Variants in ACVR1B observed in about 807,000 individuals in gnomAD.
The protein encoded by ACVR1B is activin A receptor type 1B.
In ACVR1B, 15 loss-of-function variants were observed where a neutral mutation model predicts 55.6. That is an observed-to-expected ratio of 0.27 (90% CI 0.18 to 0.42). ACVR1B has a LOEUF of 0.42. Ranked by LOEUF, ACVR1B falls within the 10% of genes least tolerant of loss-of-function variation. The pLI, the probability that ACVR1B is intolerant of heterozygous loss-of-function variation, is 1.00. For synonymous variants in ACVR1B, 247 were observed against 254.6 expected, an observed-to-expected ratio of 0.97 and a Z score of 0.28; for missense variants, 359 against 670.1, an observed-to-expected ratio of 0.54 and a Z score of 5.13.
At chr12:51,972,830 G>A (rs1426123566) in intron 1 of ACVR1B, among the ~76,000 whole-genome samples, 2 of 151,876 alleles carry the variant, frequency 1.3e-5, no homozygotes, top group African/African-American at 2.4e-5. Flanking sequence ...TGTGTAGAGT[G>A]GCCTTTCTCA....
intron 1 of ACVR1B, among the ~76,000 whole-genome samples, chr12:51,972,839 C>T (rs1177334511): frequency 6.6e-6 from 1 of 152,064 alleles, no homozygotes; most frequent in Non-Finnish European, 1.5e-5. Context: ...TGGCCTTTCT[C>T]AGAGGACCCG....
chr12:51,977,607 CTTTT>C (rs71443237), intron 3 of ACVR1B, among the ~76,000 whole-genome samples: 2 of 122,974 alleles, frequency 1.6e-5, no homozygotes, highest in Non-Finnish European at 3.3e-5. Flanking sequence ...TATTGCATTC[CTTTT>C]TTTTTTTTTT....
chr12:51,993,818 A>G (rs2120770618), intron 8 of ACVR1B, among the ~76,000 whole-genome samples, 167 bp from the exon 9 acceptor site: 1 of 143,820 alleles, frequency 7.0e-6, no homozygotes, highest in South Asian at 2.4e-4. Flanking sequence ...AGAGCCAGGG[A>G]ACAAAGGGAG....
At chr12:51,973,407 A>G (rs1231865202) in intron 1 of ACVR1B, among the ~76,000 whole-genome samples, 2 of 152,230 alleles carry the variant, frequency 1.3e-5, no homozygotes, top group African/African-American at 2.4e-5. Flanking sequence ...AAGTGCCTGA[A>G]TGTCCCCACT....
chr12:51,967,794 C>G (rs1349901806), intron 1 of ACVR1B, among the ~76,000 whole-genome samples: 4 of 152,202 alleles, frequency 2.6e-5, no homozygotes, highest in Non-Finnish European at 4.4e-5. Flanking sequence ...GCCCAAGAAA[C>G]TTGCCTAGTG....
At chr12:51,987,014 C>A in intron 7 of ACVR1B, 72 bp downstream of exon 7, 1 of 1,603,356 alleles carries the variant, frequency 6.2e-7, no homozygotes, top group Non-Finnish European at 8.5e-7. Flanking sequence ...TGTTTTACTG[C>A]CCCCTTTCTT....
chr12:51,966,769 T>C (rs559071053), intron 1 of ACVR1B, among the ~76,000 whole-genome samples: 1 of 152,052 alleles, frequency 6.6e-6, no homozygotes, highest in Non-Finnish European at 1.5e-5. Context: ...TTTGAGCCAG[T>C]TGTTAATTTT....
intron 1 of ACVR1B, chr12:51,953,632 G>C (rs1941355183): frequency 2.9e-6 from 2 of 692,274 alleles, no homozygotes; most frequent in African/African-American, 2.0e-5. Flanking sequence ...CTCTAGGTTT[G>C]TCATTTTATG....
chr12:51,990,940 G>A (rs1355711192), intron 7 of ACVR1B, among the ~76,000 whole-genome samples: 1 of 152,156 alleles, frequency 6.6e-6, no homozygotes, highest in African/African-American at 2.4e-5. Context: ...TGGGGGTTCG[G>A]GGACACGTAT....
In ACVR1B at chr12:51,951,702, C is replaced by G; in HGVS notation, c.-42C>G. The G allele has an allele frequency of 9.4e-7, 1 of 1,064,276 alleles. No individual in the cohort carries two copies. The highest frequency in any genetic ancestry group is 1.1e-6 in the Non-Finnish European group (1 of 877,210). 65.9% of individuals were successfully genotyped at this position (1,064,276 alleles called of 1,614,324 possible). A position where few individuals can be genotyped will look rare whatever the true frequency, so the allele number is the denominator to read the frequency against. On this transcript the variant is annotated 5_prime_UTR_variant, in exon 1 of 9. Transcript: ENST00000257963. Reference sequence around the variant, plus strand: ...CGGGGGCGCGCGCGCGCGCGCTGGGCGCTGCTGGGCTGCGGCGGCGGCGGC... The same window carrying G: ...CGGGGGCGCGCGCGCGCGCGCTGGGGGCTGCTGGGCTGCGGCGGCGGCGGC...
chr12:51,969,963 A>C (rs1445296322), intron 1 of ACVR1B, among the ~76,000 whole-genome samples: 1 of 152,182 alleles, frequency 6.6e-6, no homozygotes, highest in African/African-American at 2.4e-5. Context: ...TAATATTGGT[A>C]GAGTCACCAA....
At chr12:51,956,444 T>C (rs888122432) in intron 1 of ACVR1B, among the ~76,000 whole-genome samples, 3 of 152,224 alleles carry the variant, frequency 2.0e-5, no homozygotes, top group African/African-American at 7.2e-5. Flanking sequence ...ATGGAACTTA[T>C]AATTGCAATG....
At position 51,974,524 on chromosome 12, in the gene ACVR1B, C is replaced by T. The variant is rs962714847; in HGVS notation, c.92-741C>T. Reference sequence around the variant, plus strand: ...AAAAAAATTCGTGTGTGTGTGTGTGCGCGCGCACACTCATGCGTGAATGCA... The same window carrying T: ...AAAAAAATTCGTGTGTGTGTGTGTGTGCGCGCACACTCATGCGTGAATGCA... On this transcript the variant is annotated intron_variant, in intron 1 of 8. Coordinates refer to ENST00000257963, the MANE Select transcript of ACVR1B (RefSeq NM_004302.5). Among the ~76,000 whole-genome samples the T allele has an allele frequency of 3.3e-5, 5 of 151,726 alleles. No homozygotes were observed. The South Asian group carries it at 6.2e-4, about 19-fold the overall frequency.
chr12:51,991,786 T>A (rs1414231089), intron 7 of ACVR1B, 77 bp from the exon 8 acceptor site: 10 of 1,498,608 alleles, frequency 6.7e-6, no homozygotes, highest in Non-Finnish European at 8.2e-6. Flanking sequence ...CAGAGCACAG[T>A]GTAGGTTTTG....
At chr12:51,953,328 A>G (rs565817940) in intron 1 of ACVR1B, 5 of 985,286 alleles carry the variant, frequency 5.1e-6, no homozygotes, top group Non-Finnish European at 6.0e-6. Flanking sequence ...TCCGGCTTTG[A>G]TATTTGTTCC....
At chr12:51,986,230 A>G (rs1942073060) in intron 6 of ACVR1B, among the ~76,000 whole-genome samples, 1 of 152,188 alleles carries the variant, frequency 6.6e-6, no homozygotes, top group Non-Finnish European at 1.5e-5. Flanking sequence ...CAAGAAGTCA[A>G]AACATGCTTC....
rs753820498 is a variant in ACVR1B, at chr12:51,951,798, G to T, written c.55G>T (p.Ala19Ser). 2 of 1,296,276 alleles carry T rather than the reference G, an allele frequency of 1.5e-6. No individual in the cohort carries two copies. The highest frequency in any genetic ancestry group is 6.7e-5 in the South Asian group (2 of 29,804). 80.3% of individuals were successfully genotyped at this position (1,296,276 alleles called of 1,614,324 possible). ...CTTCCCCCTTGTTGTCCTCCTGCTC[G>T]CCGGCAGCGGCGGGTCCGGGCCCCG... is the stretch of plus-strand genomic sequence containing the variant. ...SFFPLVVLLL[A>S]GSGGSGPRGV... is the part of the protein sequence containing the mutation. Residue 19 changes from alanine (A) to serine (S), a missense_variant, in exon 1 of 9, where the codon GCC becomes TCC. Ala to Ser is a moderately conservative substitution (Grantham distance 99). Coordinates refer to ENST00000257963, the MANE Select transcript of ACVR1B (RefSeq NM_004302.5).
At chr12:51,964,884 G>A (rs1243576448) in intron 1 of ACVR1B, among the ~76,000 whole-genome samples, 1 of 151,950 alleles carries the variant, frequency 6.6e-6, no homozygotes, top group African/African-American at 2.4e-5. Flanking sequence ...AAATCAAGAA[G>A]TATGAGTCCT....
At chr12:51,972,503 CTA>C (rs1453656358) in intron 1 of ACVR1B, among the ~76,000 whole-genome samples, 2 of 152,228 alleles carry the variant, frequency 1.3e-5, no homozygotes, top group Admixed American at 6.5e-5. Flanking sequence ...ACCACTTAGA[CTA>C]TGCCATCTAA....
Sources: gnomAD v4.1 joint callset for allele counts (sites outside exome capture counted in the v4.1 genomes callset) on GRCh38, gnomAD v4.1.1 for gene constraint, MANE v1.5 for transcripts, NCBI Gene and HGNC (gene_info 2026-07-23, HGNC 2026-07-21) for gene names.